The following USP4 variants were observed in gnomAD, a reference collection of about 807,000 sequenced individuals.
USP4 encodes the protein ubiquitin specific peptidase 4, also known as ubiquitin carboxyl-terminal hydrolase 4.
A neutral mutation model predicts 118.2 loss-of-function variants in USP4; 72 were observed. The ratio of observed to expected loss-of-function variants is 0.61; its 90% confidence interval spans 0.50 to 0.74. USP4 has a LOEUF of 0.74. Ranked by LOEUF, USP4 falls within the 30% of genes least tolerant of loss-of-function variation. The pLI is 0.00. For synonymous variants in USP4, 415 were observed against 440.4 expected (o/e 0.94, Z 0.72); for missense variants, 1,037 against 1,185.7 (o/e 0.87, Z 1.84).
chr3:49,306,466 G>C (rs1435853338), intron 8 of USP4, among the ~76,000 whole-genome samples: 1 of 152,078 alleles, frequency 6.6e-6, no homozygotes, highest in Non-Finnish European at 1.5e-5. Flanking sequence ...GCCTCCCAAA[G>C]TGCTGGGGTT....
rs1220485296 is a variant in USP4 at position 49,277,779 on chromosome 3, G to C, written c.*514C>G. The C allele has an allele frequency of 4.3e-5, 8 of 184,918 alleles. No individual in the cohort carries two copies. The highest frequency in any genetic ancestry group is 3.3e-5 in the Non-Finnish European group (3 of 90,322). The allele number at this position is 184,918 out of a possible 1,614,324, so 11.5% of individuals were successfully genotyped here. On this transcript the variant is annotated 3_prime_UTR_variant, in exon 22 of 22. Coordinates refer to ENST00000265560, the MANE Select transcript of USP4 (RefSeq NM_003363.4). ...TTACAAGATGACTCAACGGAGAAAT[G>C]GGCTTCAGTGGGTAACTTTCAGAAA...
At position 49,278,465 on chromosome 3, in the gene USP4, G is replaced by A; in HGVS notation, c.2734-14C>T. 6.2e-7 allele frequency: 1 copy of A among 1,611,782 alleles called. No homozygotes were observed. The highest frequency in any genetic ancestry group is 8.5e-7 in the Non-Finnish European group (1 of 1,179,110). On this transcript the variant is annotated splice_polypyrimidine_tract_variant and intron_variant, in intron 21 of 21. Transcript: ENST00000265560. ...AGCTGCTTTAGTCTGAAATACAAGA[G>A]GGGGAAAGACCATTCAGTGCTTGGA...
chr3:49,295,714 G>GCGCGCGCGCACACACACACACACA (rs149459963), intron 13 of USP4, among the ~76,000 whole-genome samples: 44 of 148,400 alleles, frequency 3.0e-4, no homozygotes, highest in African/African-American at 1.1e-3. Flanking sequence ...GCGCGCGCGC[G>GCGCGCGCGCACACACACACACACA]CACACACACA....
At chr3:49,298,080 A>G (rs1285684673) in intron 12 of USP4, 116 bp from the exon 13 acceptor site, 5 of 701,646 alleles carry the variant, frequency 7.1e-6, no homozygotes, top group Non-Finnish European at 1.2e-5. Flanking sequence ...TTGCCTCTAG[A>G]GAAACCACCA....
intron 19 of USP4, among the ~76,000 whole-genome samples, chr3:49,283,281 T>C (rs1207478720): frequency 6.6e-6 from 1 of 152,040 alleles, no homozygotes; most frequent in African/African-American, 2.4e-5. Context: ...CCCAAAGTGC[T>C]GGGATTACAA....
intron 6 of USP4, chr3:49,316,636 T>A (rs1000274103): frequency 6.0e-6 from 1 of 167,174 alleles, no homozygotes; most frequent in Non-Finnish European, 1.3e-5. Context: ...TTTTCATTCA[T>A]TCATTCAATC....
chr3:49,285,619 T>C (rs984168280), intron 16 of USP4, among the ~76,000 whole-genome samples: 2 of 152,102 alleles, frequency 1.3e-5, no homozygotes, highest in African/African-American at 4.8e-5. Flanking sequence ...CACTGGCCAA[T>C]TGTGCTTTTC....
intron 2 of USP4, 110 bp from the exon 3 acceptor site, chr3:49,327,926 C>A (rs1413349487): frequency 8.5e-7 from 1 of 1,171,434 alleles, no homozygotes; most frequent in Non-Finnish European, 1.2e-6. Flanking sequence ...CAGAAAGAAA[C>A]AGGAATGAAA....
At chr3:49,289,487 C>G (rs917146787) in intron 15 of USP4, among the ~76,000 whole-genome samples, 1 of 152,182 alleles carries the variant, frequency 6.6e-6, no homozygotes, top group Non-Finnish European at 1.5e-5. Flanking sequence ...ATTACCATTC[C>G]AACACCTCTG....
intron 8 of USP4, among the ~76,000 whole-genome samples, chr3:49,308,663 C>T (rs754089745): frequency 4.6e-5 from 7 of 151,834 alleles, no homozygotes; most frequent in Non-Finnish European, 7.4e-5. Context: ...AAATTCTGGA[C>T]GCTGAAGCTC....
intron 13 of USP4, among the ~76,000 whole-genome samples, chr3:49,296,189 G>T (rs937674965): frequency 5.9e-5 from 9 of 151,978 alleles, no homozygotes; most frequent in African/African-American, 2.2e-4. Flanking sequence ...AAATTGGCCA[G>T]GTGTGGTGGC....
rs376837024 is a variant in USP4, at chr3:49,311,527, C to T, written c.823G>A (p.Gly275Ser). 3.1e-5 allele frequency: 50 copies of T among 1,613,500 alleles called. No homozygotes were observed. The highest frequency in any genetic ancestry group is 5.5e-5 in the South Asian group (5 of 91,054). Residue 275 changes from glycine to serine, a missense_variant, in exon 7 of 22, where the codon GGT (glycine) becomes AGT (serine). Gly to Ser is a moderately conservative substitution (Grantham distance 56). Transcript: ENST00000265560. ...STSTCGMHSSGVSRGGSGFSA... is the reference protein window; with the variant it reads ...STSTCGMHSSSVSRGGSGFSA... ...ACCTGCTCTTACCCCCTGCTGACAC[C>T]GGAACTGTGCATCCCACAGGTGCTA... is the stretch of plus-strand genomic sequence containing the variant.
At chr3:49,282,021 AAAAC>A (rs1449109752) in intron 19 of USP4, among the ~76,000 whole-genome samples, 4 of 152,170 alleles carry the variant, frequency 2.6e-5, no homozygotes, top group South Asian at 2.1e-4. Context: ...AAAAAAAACA[AAAAC>A]AAAACAAAAA....
chr3:49,288,272 G>A (rs1488250520), intron 15 of USP4, among the ~76,000 whole-genome samples: 2 of 152,220 alleles, frequency 1.3e-5, no homozygotes, highest in African/African-American at 4.8e-5. Flanking sequence ...CAGGAAATGA[G>A]CAGTGCCCTC....
In USP4 at chr3:49,324,706, A is replaced by C; in HGVS notation, c.691T>G (p.Ser231Ala). Residue 231 changes from serine to alanine, a missense_variant, in exon 6 of 22, where the codon TCA (serine) becomes GCA (alanine). Physicochemically the swap from Ser to Ala is moderately conservative, Grantham distance 99 (BLOSUM62 1). Transcript: ENST00000265560. The part of the protein sequence containing the change: ...DGTWPRQTLQ[S>A]KSSTAPSRNF... Reference sequence around the variant, plus strand: ...AGGGAGAAAAAATTCACTTACTTTGACTGCAAGGTCTGCCTGGGCCATGTG... The same window carrying C: ...AGGGAGAAAAAATTCACTTACTTTGCCTGCAAGGTCTGCCTGGGCCATGTG... 6.2e-7 allele frequency: 1 copy of C among 1,614,142 alleles called. No individual in the cohort carries two copies. Among genetic ancestry groups the C allele is most frequent in the Non-Finnish European group, 8.5e-7 (1 of 1,179,984 alleles).
chr3:49,281,069 C>A (rs896622199), intron 19 of USP4, among the ~76,000 whole-genome samples: 4 of 152,118 alleles, frequency 2.6e-5, no homozygotes, highest in African/African-American at 7.2e-5. Flanking sequence ...GCCTGTAATC[C>A]CAGCACTTTG....
intron 6 of USP4, among the ~76,000 whole-genome samples, chr3:49,322,597 C>A (rs1190548262): frequency 6.6e-6 from 1 of 152,074 alleles, no homozygotes; most frequent in Non-Finnish European, 1.5e-5. Context: ...TGTGGTGGCT[C>A]ATGCCTGTAA....
At chr3:49,316,793 T>C in intron 6 of USP4, 1 of 499,194 alleles carries the variant, frequency 2.0e-6, no homozygotes, top group South Asian at 2.3e-5. Flanking sequence ...GTGCTCAGAC[T>C]ACAACCAGGA....
At chr3:49,291,837 A>G (rs993829572) in intron 15 of USP4, among the ~76,000 whole-genome samples, 4 of 150,836 alleles carry the variant, frequency 2.7e-5, no homozygotes, top group Non-Finnish European at 5.9e-5. Context: ...TTTTTGAGAC[A>G]GAGTTTCACT....
Sources: allele counts gnomAD v4.1 joint callset (sites outside exome capture counted in the v4.1 genomes callset), GRCh38; gene constraint gnomAD v4.1.1; transcripts MANE v1.5; gene names NCBI Gene and HGNC (gene_info 2026-07-23, HGNC 2026-07-21).